The following ATF7IP2 variants were observed in gnomAD, a reference collection of about 807,000 sequenced individuals.
ATF7IP2 encodes the protein activating transcription factor 7-interacting protein 2.
In ATF7IP2, 42 loss-of-function variants were observed where a neutral mutation model predicts 64.2. The observed-to-expected ratio is 0.65, with a 90% CI of 0.51 to 0.85. The LOEUF is 0.85. ATF7IP2 is among the 40% of genes least tolerant of loss of function. The pLI, the probability that ATF7IP2 is intolerant of heterozygous loss-of-function variation, is 0.00. For synonymous variants in ATF7IP2, 308 were observed against 272.8 expected (o/e 1.13, Z -1.27); for missense variants, 933 against 784.2 (o/e 1.19, Z -2.27).
chr16:10,387,746 ATTAG>A (rs1471141415), intron 1 of ATF7IP2: 4 of 152,240 alleles, frequency 2.6e-5, no homozygotes, highest in African/African-American at 7.2e-5. Context: ...GCGCAAGAGT[ATTAG>A]TTCTCATTGT....
At chr16:10,469,065 C>T (rs1168870403) in intron 9 of ATF7IP2, among the ~76,000 whole-genome samples, 1 of 152,108 alleles carries the variant, frequency 6.6e-6, no homozygotes, top group Non-Finnish European at 1.5e-5. Context: ...GAAACAACAT[C>T]CATTACCCAA....
At chr16:10,450,824 A>G (rs1371345652) in intron 8 of ATF7IP2, among the ~76,000 whole-genome samples, 1 of 152,092 alleles carries the variant, frequency 6.6e-6, no homozygotes, top group Admixed American at 6.5e-5. Flanking sequence ...ATTTAAGGTT[A>G]ATATTGTTAT....
At chr16:10,464,733 A>AG (rs972810355) in intron 9 of ATF7IP2, among the ~76,000 whole-genome samples, 1 of 152,198 alleles carries the variant, frequency 6.6e-6, no homozygotes, top group Non-Finnish European at 1.5e-5. Context: ...AGAGATGGAA[A>AG]GGGGGACAGG....
intron 12 of ATF7IP2, 99 bp from the exon 13 acceptor site, chr16:10,480,780 C>T: frequency 1.2e-6 from 1 of 814,176 alleles, no homozygotes; most frequent in Non-Finnish European, 2.1e-6. Flanking sequence ...AATTTTAATT[C>T]ACATTTAATT....
intron 9 of ATF7IP2, among the ~76,000 whole-genome samples, chr16:10,469,131 T>C (rs762595934): frequency 3.3e-5 from 5 of 152,082 alleles, no homozygotes; most frequent in Non-Finnish European, 5.9e-5. Context: ...GCATGCAACA[T>C]AGCAAAAAAT....
chr16:10,425,784 T>C (rs1274698566), intron 3 of ATF7IP2, among the ~76,000 whole-genome samples: 1 of 151,654 alleles, frequency 6.6e-6, no homozygotes, highest in African/African-American at 2.4e-5. Flanking sequence ...TCCCAGCTGT[T>C]CGTGAGGCTG....
At chr16:10,415,371 T>G (rs1425649267) in intron 2 of ATF7IP2, among the ~76,000 whole-genome samples, 1 of 152,180 alleles carries the variant, frequency 6.6e-6, no homozygotes, top group Non-Finnish European at 1.5e-5. Flanking sequence ...AGAACAAACA[T>G]TTGCGAGAAG....
intron 1 of ATF7IP2, among the ~76,000 whole-genome samples, chr16:10,398,495 GA>G (rs1212708832): frequency 1.3e-5 from 2 of 152,052 alleles, no homozygotes; most frequent in Non-Finnish European, 1.5e-5. Flanking sequence ...TCATTATATT[GA>G]AGAGATACTT....
chr16:10,477,318 A>C (rs971188215), intron 12 of ATF7IP2, among the ~76,000 whole-genome samples: 2 of 152,250 alleles, frequency 1.3e-5, no homozygotes, highest in African/African-American at 4.8e-5. Flanking sequence ...CCAGCCTTGC[A>C]TCCCAGGGAT....
At chr16:10,472,932 T>C (rs2049859533) in intron 10 of ATF7IP2, among the ~76,000 whole-genome samples, 1 of 152,202 alleles carries the variant, frequency 6.6e-6, no homozygotes. Context: ...CCCATCTTGT[T>C]TGGCTCATAA....
chr16:10,465,829 G>A (rs972661758), intron 9 of ATF7IP2, among the ~76,000 whole-genome samples: 3 of 151,988 alleles, frequency 2.0e-5, no homozygotes, highest in Non-Finnish European at 4.4e-5. Context: ...TGGAATTCCC[G>A]TTAGACCATA....
intron 12 of ATF7IP2, among the ~76,000 whole-genome samples, chr16:10,475,963 T>C (rs913039290): frequency 6.6e-6 from 1 of 152,216 alleles, no homozygotes; most frequent in Non-Finnish European, 1.5e-5. Flanking sequence ...TTGTCTCTTA[T>C]TATCATAAAG....
chr16:10,473,420 A>T lies in ATF7IP2; in HGVS notation c.1427-59A>T, dbSNP rs1355636054. 2.8e-6 allele frequency: 3 copies of T among 1,073,808 alleles called. No individual in the cohort carries two copies. In the African/African-American group the frequency reaches 4.8e-5, roughly 17 times the overall value. 66.5% of individuals were successfully genotyped at this position (1,073,808 alleles called of 1,614,324 possible). On this transcript the variant is annotated intron_variant, in intron 10 of 13. Transcript: ENST00000562102. ...CCTATTATTTTGTTTTAGCATTCAT[A>T]TTTCACAAAGCCCATAAATATTGTG... is the stretch of plus-strand genomic sequence containing the variant.
At position 10,482,006 on chromosome 16, in the gene ATF7IP2, T is replaced by C; in HGVS notation, c.1806T>C (p.Asn602=). 8 of 1,613,930 alleles carry C rather than the reference T, an allele frequency of 5.0e-6. No homozygotes were observed. Among genetic ancestry groups the C allele is most frequent in the Non-Finnish European group, 6.8e-6 (8 of 1,179,954 alleles). Residue 602 remains asparagine (N), a synonymous_variant, in exon 14 of 14, where the codon AAT becomes AAC. Transcript: ENST00000562102. ...TGACTTGGAATATAACCAAAATCAA[T>C]CCCAAGTGTGCTCCTGTAGAAAGCT... ...IALTWNITKI[N]PKCAPVESYH...
intron 8 of ATF7IP2, among the ~76,000 whole-genome samples, chr16:10,451,526 T>C (rs1410207310): frequency 1.3e-5 from 2 of 152,124 alleles, no homozygotes; most frequent in Non-Finnish European, 2.9e-5. Flanking sequence ...TTTCAAAAAT[T>C]CTTTTTTCTC....
At chr16:10,390,712 C>A (rs553276764) in intron 1 of ATF7IP2, among the ~76,000 whole-genome samples, 11 of 152,208 alleles carry the variant, frequency 7.2e-5, no homozygotes, top group African/African-American at 2.4e-4. Flanking sequence ...TTACTTGAGC[C>A]TAGGATTTTG....
At chr16:10,421,785 A>G (rs984754612) in intron 3 of ATF7IP2, among the ~76,000 whole-genome samples, 1 of 152,250 alleles carries the variant, frequency 6.6e-6, no homozygotes, top group African/African-American at 2.4e-5. Flanking sequence ...CTTGCCCTAC[A>G]TACGTCTGGC....
intron 7 of ATF7IP2, among the ~76,000 whole-genome samples, chr16:10,439,260 C>T (rs1249579743): frequency 1.3e-5 from 2 of 151,930 alleles, no homozygotes; most frequent in Non-Finnish European, 2.9e-5. Flanking sequence ...GATGGAGTCT[C>T]GCTCTGTCGC....
chr16:10,415,714 A>G (rs931104275), intron 2 of ATF7IP2, among the ~76,000 whole-genome samples: 1 of 152,246 alleles, frequency 6.6e-6, no homozygotes, highest in Non-Finnish European at 1.5e-5. Flanking sequence ...CATGTTTGAC[A>G]TGGCATTAAT....
Sources: allele counts gnomAD v4.1 joint callset (sites outside exome capture counted in the v4.1 genomes callset), GRCh38; gene constraint gnomAD v4.1.1; transcripts MANE v1.5; gene names NCBI Gene and HGNC (gene_info 2026-07-23, HGNC 2026-07-21).